SYN3: variants seen among roughly 807,000 people sequenced by gnomAD.
The protein encoded by SYN3 is synapsin III.
A neutral mutation model predicts 65.8 loss-of-function variants in SYN3; 35 were observed. That is an observed-to-expected ratio of 0.53 (90% CI 0.41 to 0.70). SYN3 has a LOEUF of 0.70. Ranked by LOEUF, SYN3 falls within the 30% of genes least tolerant of loss-of-function variation. The probability of loss-of-function intolerance (pLI) is 0.00; values close to 1 mark genes in which losing one functional copy is unlikely to be tolerated. For missense variants in SYN3, 680 were observed against 749.0 expected, an observed-to-expected ratio of 0.91 and a Z score of 1.08; for synonymous variants, 270 against 292.9, an observed-to-expected ratio of 0.92 and a Z score of 0.80.
intron 6 of SYN3, among the ~76,000 whole-genome samples, chr22:32,704,491 A>G (rs1329148005): frequency 1.3e-5 from 2 of 152,174 alleles, no homozygotes. Context: ...TGATTCCATC[A>G]TATCTTTGCT....
intron 6 of SYN3, among the ~76,000 whole-genome samples, chr22:32,736,188 T>C (rs2061335093): frequency 6.6e-6 from 1 of 152,378 alleles, no homozygotes; most frequent in East Asian, 1.9e-4. Context: ...GATACACATA[T>C]GGGACCATGA....
Position 32,709,231 on chromosome 22 carries a change from C to T in SYN3, c.712-112495G>A, listed in dbSNP as rs369904788. 3.3e-5 allele frequency among the ~76,000 whole-genome samples: 5 copies of T among 152,344 alleles called. No homozygotes were observed. In the East Asian group the frequency reaches 7.7e-4, roughly 24 times the overall value. ...AGATAATTCAGGCTCCAAAATCTCT[C>T]TCTGCCTTCATTCCAATGATTCAGG... On this transcript the variant is annotated intron_variant, in intron 6 of 13. Transcript: ENST00000358763.
At chr22:32,903,308 G>A (rs2049812681) in intron 4 of SYN3, among the ~76,000 whole-genome samples, 1 of 152,168 alleles carries the variant, frequency 6.6e-6, no homozygotes, top group Admixed American at 6.5e-5. Context: ...CATTATGTAA[G>A]TGCAAGCTGT....
intron 6 of SYN3, among the ~76,000 whole-genome samples, chr22:32,781,501 T>C (rs1157870738): frequency 6.6e-6 from 1 of 152,004 alleles, no homozygotes; most frequent in Non-Finnish European, 1.5e-5. Context: ...ACCTATAAAT[T>C]GGCATTACGA....
At chr22:32,794,233 C>CA (rs1407604185) in intron 6 of SYN3, among the ~76,000 whole-genome samples, 7 of 152,178 alleles carry the variant, frequency 4.6e-5, no homozygotes, top group Non-Finnish European at 1.0e-4. Context: ...CTACACACAC[C>CA]ACAGCAACCT....
intron 6 of SYN3, among the ~76,000 whole-genome samples, chr22:32,702,425 C>T (rs1475503601): frequency 6.6e-6 from 1 of 152,146 alleles, no homozygotes; most frequent in Non-Finnish European, 1.5e-5. Context: ...TTGCAGTGAG[C>T]CGAGATCGCA....
chr22:32,860,209 A>T (rs2048497374), intron 6 of SYN3: 1 of 152,240 alleles, frequency 6.6e-6, no homozygotes, highest in Non-Finnish European at 1.5e-5. Flanking sequence ...CCTGCCTCCC[A>T]CCAGACTTCC....
intron 6 of SYN3, among the ~76,000 whole-genome samples, chr22:32,674,296 G>C (rs1297062561): frequency 6.6e-6 from 1 of 152,182 alleles, no homozygotes; most frequent in African/African-American, 2.4e-5. Flanking sequence ...TTGGAATTGG[G>C]GTGGGGAGGC....
intron 7 of SYN3, among the ~76,000 whole-genome samples, chr22:32,560,605 G>A (rs1259614921): frequency 2.0e-5 from 3 of 152,202 alleles, no homozygotes; most frequent in Non-Finnish European, 4.4e-5. Context: ...CGATGTGGAT[G>A]CAGCGGAGTG....
chr22:32,697,168 A>C (rs1357599299), intron 6 of SYN3, among the ~76,000 whole-genome samples: 1 of 152,180 alleles, frequency 6.6e-6, no homozygotes, highest in Non-Finnish European at 1.5e-5. Flanking sequence ...AAATGCCCTG[A>C]TCTAAGTGGG....
chr22:32,999,983 C>T lies in SYN3; in HGVS notation c.311+6369G>A, dbSNP rs73162044. 5.8e-3 allele frequency among the ~76,000 whole-genome samples: 883 copies of T among 152,210 alleles called. 7 individuals are homozygous for T. Among genetic ancestry groups the T allele is most frequent in the South Asian group, 0.028 (137 of 4,814 alleles). On this transcript the variant is annotated intron_variant, in intron 2 of 13. Transcript: ENST00000358763. The stretch of plus-strand genomic sequence containing the variant: ...AGTGAAGCTGCTGGAAAATTCTAGG[C>T]AAGATAAGCAGTGGAGTGGCAGTGG...
chr22:32,778,947 T>C (rs763051651), intron 6 of SYN3, among the ~76,000 whole-genome samples: 3 of 152,368 alleles, frequency 2.0e-5, no homozygotes, highest in Non-Finnish European at 4.4e-5. Flanking sequence ...TAAATATTTA[T>C]TGAGCACCTC....
chr22:32,914,944 G>A (rs1052102434), intron 4 of SYN3, among the ~76,000 whole-genome samples: 3 of 152,332 alleles, frequency 2.0e-5, no homozygotes, highest in Non-Finnish European at 4.4e-5. Context: ...ACCAGGTGCT[G>A]CAGCTGGTGG....
chr22:32,784,281 C>A (rs180690146), intron 6 of SYN3, among the ~76,000 whole-genome samples: 7 of 152,230 alleles, frequency 4.6e-5, no homozygotes, highest in Admixed American at 1.3e-4. Context: ...AGGGCATATG[C>A]GATTATATGA....
At chr22:33,049,599 C>T (rs1457310207) in intron 1 of SYN3, among the ~76,000 whole-genome samples, 1 of 152,194 alleles carries the variant, frequency 6.6e-6, no homozygotes, top group African/African-American at 2.4e-5. Context: ...CCCGCCTCCC[C>T]ATTAGGCAGC....
In SYN3 at chr22:32,715,269, A is replaced by G. The variant is rs371818575; in HGVS notation, c.712-118533T>C. Among the ~76,000 whole-genome samples the G allele has an allele frequency of 5.1e-4, 77 of 152,332 alleles. No individual in the cohort carries two copies. The South Asian group carries it at 0.014, about 27-fold the overall frequency. The stretch of plus-strand genomic sequence containing the variant: ...CTGGTTCCAGCACACTACTAAAGTA[A>G]TTGTTGGCATTTTCTAGTCTCTGGT... On this transcript the variant is annotated intron_variant, in intron 6 of 13. Coordinates refer to ENST00000358763, the MANE Select transcript of SYN3 (RefSeq NM_003490.4).
At chr22:32,621,832 T>G (rs1286506246) in intron 6 of SYN3, among the ~76,000 whole-genome samples, 1 of 152,094 alleles carries the variant, frequency 6.6e-6, no homozygotes, top group Non-Finnish European at 1.5e-5. Context: ...TCAGAGAAAT[T>G]AAGAGACTCA....
chr22:32,619,013 C>T (rs940593060), intron 6 of SYN3, among the ~76,000 whole-genome samples: 1 of 152,212 alleles, frequency 6.6e-6, no homozygotes, highest in Non-Finnish European at 1.5e-5. Context: ...GTGTTTCTAC[C>T]TGTGACCTCC....
chr22:32,667,820 C>T (rs1430272115), intron 6 of SYN3, among the ~76,000 whole-genome samples: 16 of 139,084 alleles, frequency 1.2e-4, no homozygotes, highest in Non-Finnish European at 2.1e-4. Flanking sequence ...TTTTTTGAGA[C>T]GGAGTGTCGC....
Sources: allele counts gnomAD v4.1 joint callset (sites outside exome capture counted in the v4.1 genomes callset), GRCh38; gene constraint gnomAD v4.1.1; transcripts MANE v1.5; gene names NCBI Gene and HGNC (gene_info 2026-07-23, HGNC 2026-07-21).